The following GAB2 variants were observed in gnomAD, a reference collection of about 807,000 sequenced individuals.
GAB2 encodes the protein GRB2 associated binding protein 2, also known as GRB2-associated-binding protein 2.
GAB2 carries 26 observed loss-of-function variants against 65.5 expected under a neutral mutation model. That is an observed-to-expected ratio of 0.40 (90% confidence interval 0.29 to 0.55). GAB2 has a LOEUF of 0.55. GAB2 is among the 20% of genes least tolerant of loss of function. The pLI is 0.53. For missense variants in GAB2, 884 were observed against 875.8 expected, an observed-to-expected ratio of 1.01 and a Z score of -0.12; for synonymous variants, 321 against 329.6, an observed-to-expected ratio of 0.97 and a Z score of 0.28.
chr11:78,299,558 T>C (rs979734460), intron 1 of GAB2, among the ~76,000 whole-genome samples: 1 of 152,162 alleles, frequency 6.6e-6, no homozygotes, highest in Non-Finnish European at 1.5e-5. Context: ...CATAAGCAAA[T>C]ACAGTATCAT....
chr11:78,230,172 G>A (rs1383143017), intron 3 of GAB2, among the ~76,000 whole-genome samples: 1 of 152,230 alleles, frequency 6.6e-6, no homozygotes, highest in African/African-American at 2.4e-5. Flanking sequence ...ACAAACGTAT[G>A]TTGCTGCTAT....
intron 1 of GAB2, among the ~76,000 whole-genome samples, chr11:78,358,089 T>C (rs1165363019): frequency 2.6e-5 from 4 of 152,016 alleles, no homozygotes; most frequent in Non-Finnish European, 5.9e-5. Flanking sequence ...ATGTGGCACA[T>C]ATACACCATG....
chr11:78,412,346 A>G (rs1375657123), intron 1 of GAB2, among the ~76,000 whole-genome samples: 2 of 152,232 alleles, frequency 1.3e-5, no homozygotes, highest in Admixed American at 6.5e-5. Flanking sequence ...ATAAAAAACA[A>G]TAACTATTGA....
intron 1 of GAB2, among the ~76,000 whole-genome samples, chr11:78,310,513 C>CAA (rs11285625): frequency 9.4e-5 from 7 of 74,694 alleles, no homozygotes; most frequent in African/African-American, 1.5e-4. Context: ...GACTCTGTCT[C>CAA]AAAAAAAAAA....
chr11:78,307,604 T>TAGAGGGAGAGAG (rs372962811), intron 1 of GAB2, among the ~76,000 whole-genome samples: 7 of 121,884 alleles, frequency 5.7e-5, no homozygotes, highest in Non-Finnish European at 6.5e-5. Context: ...CAAAAAATGT[T>TAGAGGGAGAGAG]AGAGAGAGAG....
intron 1 of GAB2, among the ~76,000 whole-genome samples, chr11:78,321,244 G>A (rs757260796): frequency 5.3e-5 from 8 of 152,150 alleles, no homozygotes; most frequent in Non-Finnish European, 1.0e-4. Context: ...CTGTGAGAGA[G>A]GAAAGAAGGG....
chr11:78,233,453 A>G (rs1201262207), intron 3 of GAB2, among the ~76,000 whole-genome samples: 1 of 152,136 alleles, frequency 6.6e-6, no homozygotes, highest in Non-Finnish European at 1.5e-5. Context: ...ACATTCCTAT[A>G]TCTTTTTTTG....
At chr11:78,251,854 T>C (rs1865464476) in intron 2 of GAB2, among the ~76,000 whole-genome samples, 1 of 152,246 alleles carries the variant, frequency 6.6e-6, no homozygotes, top group African/African-American at 2.4e-5. Flanking sequence ...GTGATGTTGT[T>C]ACCATTATAG....
rs1416539560 is a variant in GAB2 at position 78,268,781 on chromosome 11, C to T, written c.376+11820G>A. On this transcript the variant is annotated intron_variant, in intron 2 of 9. Coordinates refer to ENST00000361507, the MANE Select transcript of GAB2 (RefSeq NM_080491.3). ...CAGAAATAAGGATGAAGACTTAGAA[C>T]GAAGAGAATAGGGTCAGGTTTCTCC... Among the ~76,000 whole-genome samples, 5 of 148,044 alleles carry T rather than the reference C, an allele frequency of 3.4e-5. No individual in the cohort carries two copies. In the East Asian group the frequency reaches 5.9e-4, roughly 17 times the overall value.
chr11:78,361,436 T>C (rs769314443), intron 1 of GAB2, among the ~76,000 whole-genome samples: 14 of 149,744 alleles, frequency 9.3e-5, no homozygotes, highest in Non-Finnish European at 1.9e-4. Context: ...CAAATGCCTA[T>C]GGACAAAGCA....
chr11:78,221,243 A>G lies in GAB2; in HGVS notation c.1761+434T>C, dbSNP rs144268442. On this transcript the variant is annotated intron_variant, in intron 8 of 9. Transcript: ENST00000361507. Reference sequence around the variant, plus strand: ...CAGGTGCTGGGCAGTTACGCCCTTAATGGAAATCTCAGGGAAGAAATATCC... The same window carrying G: ...CAGGTGCTGGGCAGTTACGCCCTTAGTGGAAATCTCAGGGAAGAAATATCC... Among the ~76,000 whole-genome samples the G allele has an allele frequency of 1.0e-3, 155 of 152,346 alleles. 2 individuals carry two copies. The highest frequency in any genetic ancestry group is 2.4e-4 in the Non-Finnish European group (16 of 68,028).
At chr11:78,227,631 C>CA (rs55716895) in intron 3 of GAB2, among the ~76,000 whole-genome samples, 2,983 of 106,088 alleles carry the variant, frequency 0.028, 159 homozygotes, top group African/African-American at 0.087. Context: ...CCATTGCCAC[C>CA]AAAAAAAAAA....
Position 78,327,370 on chromosome 11 carries a change from G to C in GAB2, c.76-46469C>G, listed in dbSNP as rs1037587182. On this transcript the variant is annotated intron_variant, in intron 1 of 9. Coordinates refer to ENST00000361507, the MANE Select transcript of GAB2 (RefSeq NM_080491.3). Reference sequence around the variant, plus strand: ...AAGCTGGGAATGGTTGTGGGAGGAGGAAAGTAATCAAGAGATGTTTCATAT... The same window carrying C: ...AAGCTGGGAATGGTTGTGGGAGGAGCAAAGTAATCAAGAGATGTTTCATAT... 3.9e-5 allele frequency among the ~76,000 whole-genome samples: 6 copies of C among 152,174 alleles called. No individual in the cohort carries two copies. The South Asian group carries it at 1.2e-3, about 32-fold the overall frequency.
intron 1 of GAB2, among the ~76,000 whole-genome samples, chr11:78,329,846 A>G (rs1358453628): frequency 6.6e-6 from 1 of 152,220 alleles, no homozygotes; most frequent in East Asian, 1.9e-4. Context: ...ACTCAACATC[A>G]ATTCCATTCC....
intron 1 of GAB2, among the ~76,000 whole-genome samples, chr11:78,391,219 C>T (rs540350695): frequency 1.2e-3 from 178 of 152,106 alleles, no homozygotes; most frequent in African/African-American, 4.0e-3. Context: ...CGCTTGAGCC[C>T]GGGAGGTTGA....
At chr11:78,302,329 A>C (rs1393458649) in intron 1 of GAB2, among the ~76,000 whole-genome samples, 1 of 152,218 alleles carries the variant, frequency 6.6e-6, no homozygotes, top group Non-Finnish European at 1.5e-5. Flanking sequence ...GAACTCAAGC[A>C]AATTAGCAAG....
rs56926225 is a variant in GAB2 at position 78,289,814 on chromosome 11, CT to C, written c.76-8914del. Among the ~76,000 whole-genome samples the C allele has an allele frequency of 8.7e-3, 728 of 83,654 alleles. 8 individuals are homozygous for C. Among genetic ancestry groups the C allele is most frequent in the African/African-American group, 0.031 (653 of 20,870 alleles). 54.9% of individuals were successfully genotyped at this position (83,654 alleles called of 152,430 possible). On this transcript the variant is annotated intron_variant, in intron 1 of 9. Coordinates refer to ENST00000361507, the MANE Select transcript of GAB2 (RefSeq NM_080491.3). ...CGGTTTTGGAAAGGAAGAACAGGAC[CT>C]TTTTTTTTTTTTTTTTTTTTTTTTT...
chr11:78,275,646 AT>A (rs1866146572), intron 2 of GAB2, among the ~76,000 whole-genome samples: 2 of 152,364 alleles, frequency 1.3e-5, no homozygotes, highest in South Asian at 4.1e-4. Context: ...TCTATCACAG[AT>A]GATATTCTTG....
At chr11:78,264,441 C>T (rs1266167306) in intron 2 of GAB2, among the ~76,000 whole-genome samples, 5 of 151,484 alleles carry the variant, frequency 3.3e-5, no homozygotes, top group African/African-American at 1.2e-4. Flanking sequence ...ACTCTTTTTG[C>T]CCAGGCTGGA....
Sources: allele counts gnomAD v4.1 joint callset (sites outside exome capture counted in the v4.1 genomes callset), GRCh38; gene constraint gnomAD v4.1.1; transcripts MANE v1.5; gene names NCBI Gene and HGNC (gene_info 2026-07-23, HGNC 2026-07-21).